The following YEATS4 variants were observed in gnomAD, a reference collection of about 807,000 sequenced individuals.
YEATS4 encodes YEATS domain containing 4, also known as YEATS domain-containing protein 4.
A neutral mutation model predicts 30.1 loss-of-function variants in YEATS4; 17 were observed. The ratio of observed to expected loss-of-function variants is 0.56; its 90% confidence interval spans 0.39 to 0.85. The LOEUF is 0.85. Among genes scored for constraint, YEATS4 ranks in the 40% least tolerant of loss-of-function variants. The pLI is 0.00. For missense variants in YEATS4, 142 were observed against 268.3 expected, an observed-to-expected ratio of 0.53 and a Z score of 3.29; for synonymous variants, 85 against 87.5, an observed-to-expected ratio of 0.97 and a Z score of 0.16.
the YEATS4 span, among the ~76,000 whole-genome samples, chr12:69,424,986 C>T: frequency 6.6e-6 from 1 of 152,108 alleles, no homozygotes; most frequent in African/African-American, 2.4e-5. Flanking sequence ...ATGGCTCGAT[C>T]TCGGCTCACC....
chr12:69,403,303 G>C, the YEATS4 span, among the ~76,000 whole-genome samples: 1 of 152,112 alleles, frequency 6.6e-6, no homozygotes, highest in Admixed American at 6.5e-5. Context: ...GCATCCAGGT[G>C]TGGTTGCTCA....
At chr12:69,395,566 C>CTG (rs34248633), downstream of YEATS4, among the ~76,000 whole-genome samples, 115,041 of 151,886 alleles carry the variant, frequency 0.76, 43,940 homozygotes, top group African/African-American at 0.87. Context: ...ATTTTAGGGA[C>CTG]TAACTATCTT....
chr12:69,375,685 G>A (rs1445931365), intron 6 of YEATS4, among the ~76,000 whole-genome samples: 2 of 152,182 alleles, frequency 1.3e-5, no homozygotes, highest in Non-Finnish European at 2.9e-5. Context: ...CAGATCACTC[G>A]CGGTCAGGAG....
chr12:69,365,090 C>T (rs540171614), intron 2 of YEATS4, among the ~76,000 whole-genome samples: 5 of 152,042 alleles, frequency 3.3e-5, no homozygotes, highest in South Asian at 2.1e-4. Context: ...TAATTTGGGA[C>T]GTGTATTTCT....
chr12:69,375,207 C>T (rs1875811935), intron 6 of YEATS4, among the ~76,000 whole-genome samples: 1 of 146,434 alleles, frequency 6.8e-6, no homozygotes, highest in Admixed American at 6.8e-5. Flanking sequence ...GTCAGAGACG[C>T]TCCTCACCTC....
chr12:69,425,690 A>G, the YEATS4 span, among the ~76,000 whole-genome samples: 23 of 152,122 alleles, frequency 1.5e-4, no homozygotes, highest in Non-Finnish European at 2.9e-4. Flanking sequence ...CTAGAGAGTT[A>G]TCACTCTTTG....
chr12:69,417,149 T>A, the YEATS4 span, among the ~76,000 whole-genome samples: 245 of 129,260 alleles, frequency 1.9e-3, 3 homozygotes, highest in African/African-American at 3.1e-3. Context: ...AAACATTTTT[T>A]AAAAATTTTT....
the YEATS4 span, among the ~76,000 whole-genome samples, chr12:69,416,286 C>T: frequency 6.6e-6 from 1 of 152,120 alleles, no homozygotes; most frequent in Non-Finnish European, 1.5e-5. Context: ...CTTTTCAATC[C>T]TCTGATGTGT....
chr12:69,425,123 G>A, the YEATS4 span, among the ~76,000 whole-genome samples: 3 of 151,800 alleles, frequency 2.0e-5, no homozygotes, highest in African/African-American at 4.8e-5. Flanking sequence ...GGGTTTCTCC[G>A]TATTGGTCAG....
chr12:69,407,946 C>T, the YEATS4 span, among the ~76,000 whole-genome samples: 1 of 152,048 alleles, frequency 6.6e-6, no homozygotes, highest in Admixed American at 6.6e-5. Flanking sequence ...GAACTCCCGA[C>T]CTCAGGTGAT....
chr12:69,410,982 C>T, the YEATS4 span, among the ~76,000 whole-genome samples: 1 of 152,216 alleles, frequency 6.6e-6, no homozygotes, highest in African/African-American at 2.4e-5. Context: ...CTTTTCTCAC[C>T]TGGAAGAATT....
intron 6 of YEATS4, among the ~76,000 whole-genome samples, chr12:69,384,851 G>T (rs1262614817): frequency 6.6e-6 from 1 of 152,244 alleles, no homozygotes. Flanking sequence ...AGAAAAACCT[G>T]TTAAACCTCA....
chr12:69,360,337 A>G (rs1272914610), intron 1 of YEATS4, among the ~76,000 whole-genome samples: 1 of 152,198 alleles, frequency 6.6e-6, no homozygotes, highest in Non-Finnish European at 1.5e-5. Context: ...CTTGGTGCAC[A>G]TTCGCTGCCA....
chr12:69,361,101 G>C (rs1217650396), intron 1 of YEATS4, among the ~76,000 whole-genome samples: 1 of 151,922 alleles, frequency 6.6e-6, no homozygotes, highest in Non-Finnish European at 1.5e-5. Context: ...GAGGGGCTGA[G>C]GCAGGAAAAT....
chr12:69,425,111 G>A, the YEATS4 span, among the ~76,000 whole-genome samples: 1 of 151,854 alleles, frequency 6.6e-6, no homozygotes, highest in Non-Finnish European at 1.5e-5. Context: ...TAGTAGAGAC[G>A]GGGGTTTCTC....
At chr12:69,373,776 T>C (rs1037049671) in intron 6 of YEATS4, among the ~76,000 whole-genome samples, 1 of 152,230 alleles carries the variant, frequency 6.6e-6, no homozygotes, top group Non-Finnish European at 1.5e-5. Flanking sequence ...TTTAAGTCTT[T>C]AATCCATTTT....
chr12:69,391,211 T>C (rs1185529980), downstream of YEATS4, among the ~76,000 whole-genome samples: 2 of 152,094 alleles, frequency 1.3e-5, no homozygotes, highest in East Asian at 1.9e-4. Flanking sequence ...GGAGAATTGC[T>C]TGAACCCAGG....
At chr12:69,362,453 G>A (rs1875259213) in intron 1 of YEATS4, among the ~76,000 whole-genome samples, 1 of 152,226 alleles carries the variant, frequency 6.6e-6, no homozygotes, top group Admixed American at 6.5e-5. Flanking sequence ...ATTGCCACAG[G>A]TGATGCCAGT....
intron 2 of YEATS4, chr12:69,364,211 G>A (rs1348565040): frequency 2.2e-6 from 1 of 447,766 alleles, no homozygotes; most frequent in Admixed American, 2.4e-5. Context: ...TCAGCACTAT[G>A]GGAGGCCCAA....
Sources: allele counts gnomAD v4.1 joint callset (sites outside exome capture counted in the v4.1 genomes callset), GRCh38; gene constraint gnomAD v4.1.1; transcripts MANE v1.5; gene names NCBI Gene and HGNC (gene_info 2026-07-23, HGNC 2026-07-21).